TDRD3: variants seen among roughly 807,000 people sequenced by gnomAD.
TDRD3 encodes tudor domain containing 3.
In TDRD3, 45 loss-of-function variants were observed where a neutral mutation model predicts 86.7. That is an observed-to-expected ratio of 0.52 (90% CI 0.41 to 0.67). The LOEUF is 0.67. TDRD3 is among the 30% of genes least tolerant of loss of function. The pLI is 0.00. For synonymous variants in TDRD3, 298 were observed against 301.7 expected (o/e 0.99, Z 0.13); for missense variants, 814 against 889.0 (o/e 0.92, Z 1.07).
At chr13:60,534,927 CAAAA>C (rs75394722) in intron 11 of TDRD3, among the ~76,000 whole-genome samples, 177 bp from the exon 12 acceptor site, 1 of 54,716 alleles carries the variant, frequency 1.8e-5, no homozygotes. Context: ...GACCCTGTCT[CAAAA>C]AAAAAAAAAA....
chr13:60,424,052 T>C (rs1200730757), intron 1 of TDRD3, among the ~76,000 whole-genome samples: 1 of 152,034 alleles, frequency 6.6e-6, no homozygotes. Flanking sequence ...GATGGAGTCT[T>C]ACTCTGTCGC....
At chr13:60,486,709 T>C (rs1216287978) in intron 7 of TDRD3, among the ~76,000 whole-genome samples, 1 of 152,314 alleles carries the variant, frequency 6.6e-6, no homozygotes, top group Admixed American at 6.5e-5. Context: ...CTAGAACTTA[T>C]TCCTCCTAAC....
chr13:60,526,697 T>G (rs1484842781), intron 10 of TDRD3, among the ~76,000 whole-genome samples: 1 of 152,024 alleles, frequency 6.6e-6, no homozygotes, highest in East Asian at 1.9e-4. Context: ...ATCTTCATTC[T>G]TTGTCACAGT....
intron 5 of TDRD3, among the ~76,000 whole-genome samples, chr13:60,480,326 C>G (rs1256936516): frequency 6.6e-6 from 1 of 152,182 alleles, no homozygotes; most frequent in Non-Finnish European, 1.5e-5. Context: ...AGGCCCCACT[C>G]TCTTTTGGCT....
At chr13:60,547,067 C>T (rs1957956015) in intron 12 of TDRD3, among the ~76,000 whole-genome samples, 1 of 152,084 alleles carries the variant, frequency 6.6e-6, no homozygotes, top group African/African-American at 2.4e-5. Flanking sequence ...ACAGAAACTG[C>T]TAAGCAAAAT....
intron 8 of TDRD3, among the ~76,000 whole-genome samples, chr13:60,495,170 A>T (rs1245978623): frequency 6.6e-6 from 1 of 152,156 alleles, no homozygotes; most frequent in African/African-American, 2.4e-5. Context: ...TAAACCATGG[A>T]GGTTTATTAT....
intron 3 of TDRD3, among the ~76,000 whole-genome samples, chr13:60,447,855 G>A (rs781644003): frequency 1.3e-5 from 2 of 152,102 alleles, no homozygotes; most frequent in South Asian, 2.1e-4. Context: ...AACATGTTGC[G>A]GGGAGGAGGG....
At chr13:60,500,643 C>T (rs995635729) in intron 8 of TDRD3, among the ~76,000 whole-genome samples, 4 of 152,078 alleles carry the variant, frequency 2.6e-5, no homozygotes, top group Admixed American at 6.5e-5. Flanking sequence ...GGAGAAATGG[C>T]GAAATGTGCG....
chr13:60,573,141 G>A (rs905918225), intron 13 of TDRD3, among the ~76,000 whole-genome samples: 1 of 152,168 alleles, frequency 6.6e-6, no homozygotes, highest in African/African-American at 2.4e-5. Context: ...TAACTAGAGT[G>A]GTGCCTAATA....
chr13:60,421,615 A>G (rs759599897), intron 1 of TDRD3, among the ~76,000 whole-genome samples: 1 of 152,332 alleles, frequency 6.6e-6, no homozygotes, highest in South Asian at 2.1e-4. Context: ...CTTTCCCCCA[A>G]ACTATACGGA....
At chr13:60,401,111 T>C (rs1215261649) in intron 1 of TDRD3, among the ~76,000 whole-genome samples, 1 of 152,202 alleles carries the variant, frequency 6.6e-6, no homozygotes, top group Non-Finnish European at 1.5e-5. Flanking sequence ...CAACTAATTG[T>C]GTACTAGGCT....
chr13:60,526,911 T>C (rs142004008), intron 10 of TDRD3, among the ~76,000 whole-genome samples: 124 of 152,196 alleles, frequency 8.1e-4, no homozygotes, highest in Middle Eastern at 3.4e-3. Context: ...CTCGTCTCAC[T>C]GCAACCTCCA....
At chr13:60,467,432 C>T in intron 5 of TDRD3, 53 bp downstream of exon 5, 6 of 1,576,538 alleles carry the variant, frequency 3.8e-6, no homozygotes, top group African/African-American at 1.4e-5. Flanking sequence ...TTTTTTATTG[C>T]ATTAAAGAGC....
intron 1 of TDRD3, among the ~76,000 whole-genome samples, chr13:60,429,148 ATTG>A (rs777712187): frequency 6.6e-6 from 1 of 152,126 alleles, no homozygotes; most frequent in African/African-American, 2.4e-5. Context: ...CAAAAAATTT[ATTG>A]TTTAGTATTT....
intron 5 of TDRD3, among the ~76,000 whole-genome samples, chr13:60,471,541 C>CAAA (rs35512603): frequency 3.5e-5 from 5 of 143,768 alleles, no homozygotes; most frequent in Admixed American, 1.4e-4. Context: ...TCTATTTCTG[C>CAAA]AAAAAAAAAA....
chr13:60,444,414 G>C (rs1021438158), intron 2 of TDRD3, among the ~76,000 whole-genome samples: 1 of 151,872 alleles, frequency 6.6e-6, no homozygotes, highest in Non-Finnish European at 1.5e-5. Flanking sequence ...GATTTTAATA[G>C]AGAAGAGTTA....
chr13:60,561,872 G>T (rs560327975), intron 12 of TDRD3, among the ~76,000 whole-genome samples: 23,742 of 123,470 alleles, frequency 0.19, 2,080 homozygotes, highest in African/African-American at 0.24. Context: ...TTTTGTTGTT[G>T]TTGTTGTTGT....
At chr13:60,491,821 T>C (rs1050851114) in intron 7 of TDRD3, among the ~76,000 whole-genome samples, 4 of 151,774 alleles carry the variant, frequency 2.6e-5, no homozygotes, top group Admixed American at 6.6e-5. Context: ...AATAAGGAAG[T>C]AAGCATGGTC....
chr13:60,565,034 T>A (rs1461224179), intron 12 of TDRD3, among the ~76,000 whole-genome samples: 2 of 135,986 alleles, frequency 1.5e-5, no homozygotes, highest in South Asian at 2.6e-4. Context: ...AACCAAACTA[T>A]CAGTATCTTT....
Sources: gnomAD v4.1 joint callset for allele counts (sites outside exome capture counted in the v4.1 genomes callset) on GRCh38, gnomAD v4.1.1 for gene constraint, MANE v1.5 for transcripts, NCBI Gene and HGNC (gene_info 2026-07-23, HGNC 2026-07-21) for gene names.